FOXP2: variants seen among roughly 807,000 people sequenced by gnomAD.
The protein encoded by FOXP2 is forkhead box P2.
In FOXP2, 12 loss-of-function variants were observed where a neutral mutation model predicts 115.8. The observed-to-expected ratio is 0.10, with a 90% CI of 0.07 to 0.17. The LOEUF is 0.17. Ranked by LOEUF, FOXP2 falls within the 10% of genes least tolerant of loss-of-function variation. FOXP2 has a pLI of 1.00. For missense variants in FOXP2, 629 were observed against 843.5 expected (o/e 0.75, Z 3.15); for synonymous variants, 328 against 297.7 (o/e 1.10, Z -1.05).
In FOXP2 at chr7:114,629,024, TA is replaced by T. The variant is rs557140563; in HGVS notation, c.396+349del. On this transcript the variant is annotated intron_variant, in intron 4 of 16. Transcript: ENST00000350908. ...AGATAATAGTTGCTTTTAAAACTCC[TA>T]ACACCTTAGCATTCCTTTTAGTTCA... 6.7e-4 allele frequency: 193 copies of T among 286,840 alleles called. 1 individual carries two copies. The highest frequency in any genetic ancestry group is 3.8e-3 in the African/African-American group (170 of 45,084). The allele number at this position is 286,840 out of a possible 1,614,324, so 17.8% of individuals were successfully genotyped here.
chr7:114,343,103 G>A (rs1356486223), intron 2 of FOXP2, among the ~76,000 whole-genome samples: 1 of 151,522 alleles, frequency 6.6e-6, no homozygotes, highest in East Asian at 1.9e-4. Flanking sequence ...CTAGAACTAA[G>A]TATTGTCTGT....
At chr7:114,203,030 A>G (rs1337704004) in intron 1 of FOXP2, among the ~76,000 whole-genome samples, 6 of 152,226 alleles carry the variant, frequency 3.9e-5, no homozygotes, top group Admixed American at 6.5e-5. Context: ...AAATAAAGAC[A>G]TGATGCCTCC....
chr7:114,456,310 C>G (rs1018789457), intron 2 of FOXP2, among the ~76,000 whole-genome samples: 1 of 152,152 alleles, frequency 6.6e-6, no homozygotes, highest in Non-Finnish European at 1.5e-5. Flanking sequence ...GCGGTGTAAT[C>G]AAATCTGCAG....
At chr7:114,637,391 T>C (rs192399254) in intron 6 of FOXP2, among the ~76,000 whole-genome samples, 1 of 152,330 alleles carries the variant, frequency 6.6e-6, no homozygotes, top group African/African-American at 2.4e-5. Context: ...TTGGCACTAC[T>C]AGTATATATA....
At chr7:114,275,041 T>C (rs971332011) in intron 1 of FOXP2, among the ~76,000 whole-genome samples, 13 of 152,114 alleles carry the variant, frequency 8.5e-5, no homozygotes, top group African/African-American at 3.1e-4. Context: ...TCTTTTTTTC[T>C]GTATAAGTAA....
chr7:114,158,053 A>C (rs960256703), upstream of FOXP2, among the ~76,000 whole-genome samples: 1 of 152,160 alleles, frequency 6.6e-6, no homozygotes, highest in Non-Finnish European at 1.5e-5. Flanking sequence ...AGTCAGAATC[A>C]GAATATTCAA....
chr7:114,296,083 G>C (rs1796735780), intron 2 of FOXP2, among the ~76,000 whole-genome samples: 1 of 152,090 alleles, frequency 6.6e-6, no homozygotes, highest in African/African-American at 2.4e-5. Context: ...TTTATCTTCA[G>C]TATATTAAGG....
At chr7:114,276,891 A>G (rs1430700122) in intron 1 of FOXP2, among the ~76,000 whole-genome samples, 1 of 152,198 alleles carries the variant, frequency 6.6e-6, no homozygotes, top group African/African-American at 2.4e-5. Flanking sequence ...TTATGTTTTT[A>G]AAAACACACT....
intron 2 of FOXP2, among the ~76,000 whole-genome samples, chr7:114,490,738 G>A (rs1044674475): frequency 1.3e-5 from 2 of 152,068 alleles, no homozygotes; most frequent in African/African-American, 2.4e-5. Context: ...TCCCACCTAT[G>A]AGTGAGAATA....
At chr7:114,429,068 T>C (rs541211104) in intron 2 of FOXP2, among the ~76,000 whole-genome samples, 1 of 151,644 alleles carries the variant, frequency 6.6e-6, no homozygotes, top group East Asian at 1.9e-4. Context: ...TGGTCTGTTT[T>C]GGGAACATAA....
At chr7:114,683,915 C>CT (rs146391783) in intron 16 of FOXP2, among the ~76,000 whole-genome samples, 1 of 10,592 alleles carries the variant, frequency 9.4e-5, no homozygotes, top group Non-Finnish European at 2.1e-3. Flanking sequence ...TCTTTCAACC[C>CT]CGTGTCTCAG....
chr7:114,122,821 T>G (rs907562011), intron 1 of FOXP2, among the ~76,000 whole-genome samples: 11 of 151,796 alleles, frequency 7.2e-5, no homozygotes, highest in Non-Finnish European at 2.9e-5. Context: ...TTTTAAGGAG[T>G]GGTAGGGGAT....
At chr7:114,509,673 G>GA (rs1008367337) in intron 2 of FOXP2, among the ~76,000 whole-genome samples, 12 of 149,198 alleles carry the variant, frequency 8.0e-5, no homozygotes, top group Non-Finnish European at 1.5e-4. Flanking sequence ...TCTTTGGTGG[G>GA]GGGGGGGCTT....
At chr7:114,661,469 T>G (rs1361449991) in intron 13 of FOXP2, among the ~76,000 whole-genome samples, 1 of 152,068 alleles carries the variant, frequency 6.6e-6, no homozygotes, top group Admixed American at 6.6e-5. Context: ...ACAAAAACTT[T>G]ATTGGGAATT....
intron 3 of FOXP2, among the ~76,000 whole-genome samples, chr7:114,627,445 G>C (rs534168664): frequency 7.9e-5 from 12 of 152,164 alleles, no homozygotes; most frequent in South Asian, 2.1e-4. Context: ...TTGTTTGATT[G>C]CATACTGGTT....
chr7:114,193,769 T>G (rs565032711), intron 1 of FOXP2, among the ~76,000 whole-genome samples: 1 of 152,238 alleles, frequency 6.6e-6, no homozygotes, highest in African/African-American at 2.4e-5. Context: ...TACTTGTAAT[T>G]CAGTTTGTCG....
chr7:114,090,296 A>G (rs777778606), intron 1 of FOXP2, among the ~76,000 whole-genome samples: 12 of 152,012 alleles, frequency 7.9e-5, no homozygotes, highest in Non-Finnish European at 1.8e-4. Context: ...CAATTTTATT[A>G]CAATTGCTGA....
At chr7:114,210,820 G>A (rs1406559130) in intron 1 of FOXP2, among the ~76,000 whole-genome samples, 1 of 152,086 alleles carries the variant, frequency 6.6e-6, no homozygotes, top group South Asian at 2.1e-4. Context: ...GGAGGGATAA[G>A]CTCTATCTGT....
chr7:114,506,914 T>C (rs896333756), intron 2 of FOXP2, among the ~76,000 whole-genome samples: 1 of 151,754 alleles, frequency 6.6e-6, no homozygotes, highest in Non-Finnish European at 1.5e-5. Flanking sequence ...CTAATGTATG[T>C]CTGCTTGTTG....
Sources: gnomAD v4.1 joint callset for allele counts (sites outside exome capture counted in the v4.1 genomes callset) on GRCh38, gnomAD v4.1.1 for gene constraint, MANE v1.5 for transcripts, NCBI Gene and HGNC (gene_info 2026-07-23, HGNC 2026-07-21) for gene names.